ARHGEF26: variants seen among roughly 807,000 people sequenced by gnomAD.
ARHGEF26 encodes the protein Rho guanine nucleotide exchange factor (GEF) 26.
In ARHGEF26, 59 loss-of-function variants were observed where a neutral mutation model predicts 89.4. The observed-to-expected ratio is 0.66, with a 90% confidence interval of 0.54 to 0.82. ARHGEF26 has a LOEUF of 0.82. ARHGEF26 is among the 40% of genes least tolerant of loss of function. The pLI is 0.00. For missense variants in ARHGEF26, 1,234 were observed against 1,085.6 expected, an observed-to-expected ratio of 1.14 and a Z score of -1.92; for synonymous variants, 500 against 428.4, an observed-to-expected ratio of 1.17 and a Z score of -2.06.
rs576336313 is a variant in ARHGEF26, at chr3:154,190,628, C to T, written c.1641-661C>T. 1.4e-4 allele frequency among the ~76,000 whole-genome samples: 22 copies of T among 152,332 alleles called. No individual in the cohort carries two copies. In the South Asian group the frequency reaches 3.9e-3, roughly 27 times the overall value. ...TCCATTTTCTTACTGGAATCCCTAT[C>T]TGGCCTTCCTTAAAAGTTACGTAGG... On this transcript the variant is annotated intron_variant, in intron 7 of 14. Coordinates refer to ENST00000465093, the MANE Select transcript of ARHGEF26 (RefSeq NM_015595.4).
chr3:154,213,241 G>GTGTATA (rs1553747909), intron 9 of ARHGEF26, among the ~76,000 whole-genome samples: 48 of 145,654 alleles, frequency 3.3e-4, no homozygotes, highest in African/African-American at 1.1e-3. Context: ...GTGTGTGTGT[G>GTGTATA]TATATATATA....
At chr3:154,222,785 T>C (rs1475441996) in intron 10 of ARHGEF26, among the ~76,000 whole-genome samples, 2 of 152,134 alleles carry the variant, frequency 1.3e-5, no homozygotes, top group East Asian at 3.9e-4. Flanking sequence ...GGACCATTTT[T>C]TGTGAATAGT....
intron 12 of ARHGEF26, 43 bp from the exon 13 acceptor site, chr3:154,253,073 T>C (rs753383309): frequency 6.2e-7 from 1 of 1,610,510 alleles, no homozygotes; most frequent in Admixed American, 1.7e-5. Flanking sequence ...ATTCTGTGTT[T>C]TTACACCTTG....
At position 154,122,498 on chromosome 3, in the gene ARHGEF26, C is replaced by T. The variant is rs1188285552; in HGVS notation, c.506C>T (p.Pro169Leu). The T allele has an allele frequency of 1.2e-6, 2 of 1,613,068 alleles. No individual in the cohort carries two copies. Among genetic ancestry groups the T allele is most frequent in the South Asian group, 2.2e-5 (2 of 91,058 alleles). Residue 169 changes from proline to leucine, a missense_variant, in exon 2 of 15, where the codon CCG becomes CTG. Transcript: ENST00000465093. ...EEDLTGLTAS[P>L]VPSPTANGLA... ...GACCTTACTGGGTTGACTGCCAGCC[C>T]GGTGCCTTCGCCCACTGCAAATGGC...
chr3:154,239,733 T>C (rs1189306734), intron 11 of ARHGEF26, among the ~76,000 whole-genome samples: 2 of 151,948 alleles, frequency 1.3e-5, no homozygotes, highest in African/African-American at 2.4e-5. Context: ...TGGGGCCAGA[T>C]TGGGCATGTT....
At chr3:154,203,421 T>C (rs1461766062) in intron 9 of ARHGEF26, among the ~76,000 whole-genome samples, 1 of 152,160 alleles carries the variant, frequency 6.6e-6, no homozygotes, top group Non-Finnish European at 1.5e-5. Flanking sequence ...TGAGATCTTA[T>C]CATCTGCAAA....
chr3:154,226,073 C>A, intron 11 of ARHGEF26, 63 bp downstream of exon 11: 1 of 1,371,418 alleles, frequency 7.3e-7, no homozygotes, highest in Non-Finnish European at 9.8e-7. Context: ...AATTCAGATG[C>A]CTGTTAGGGT....
chr3:154,230,091 A>G (rs1716741417), intron 11 of ARHGEF26, among the ~76,000 whole-genome samples: 1 of 152,242 alleles, frequency 6.6e-6, no homozygotes, highest in Non-Finnish European at 1.5e-5. Flanking sequence ...TTTGTAAGAT[A>G]TAGTCCCTTC....
chr3:154,244,454 C>A (rs1456253815), intron 12 of ARHGEF26, among the ~76,000 whole-genome samples: 2 of 152,032 alleles, frequency 1.3e-5, no homozygotes, highest in African/African-American at 2.4e-5. Flanking sequence ...GACGAAGGGA[C>A]CCATGGGTGT....
intron 11 of ARHGEF26, among the ~76,000 whole-genome samples, chr3:154,237,937 TAACA>T (rs1233897907): frequency 1.3e-5 from 2 of 152,220 alleles, no homozygotes; most frequent in Non-Finnish European, 2.9e-5. Context: ...GAGAAAATAG[TAACA>T]AAGAAGCCTC....
rs1718552607 is a variant in ARHGEF26 at position 154,129,587 on chromosome 3, G to A, written c.1137G>A (p.Leu379=). Residue 379 remains leucine (L), a synonymous_variant, in exon 4 of 15, where the codon CTG becomes CTA. Coordinates refer to ENST00000465093, the MANE Select transcript of ARHGEF26 (RefSeq NM_015595.4). The part of the protein sequence containing the change: ...GTFDGEENAV[L]YQNYKEKALD... Reference sequence around the variant, plus strand: ...GTTTTCTTGCAGAAAATGCTGTCCTGTATCAAAACTACAAGGAAAAGGCCC... The same window carrying A: ...GTTTTCTTGCAGAAAATGCTGTCCTATATCAAAACTACAAGGAAAAGGCCC... 2 of 1,611,638 alleles carry A rather than the reference G, an allele frequency of 1.2e-6. No individual in the cohort carries two copies. The highest frequency in any genetic ancestry group is 1.7e-6 in the Non-Finnish European group (2 of 1,178,798).
At chr3:154,140,649 A>G (rs1204405081) in intron 4 of ARHGEF26, among the ~76,000 whole-genome samples, 3 of 146,962 alleles carry the variant, frequency 2.0e-5, no homozygotes, top group Non-Finnish European at 4.4e-5. Flanking sequence ...CAGTGGCACG[A>G]TCTCAGTTCA....
chr3:154,230,490 C>G (rs566409948), intron 11 of ARHGEF26, among the ~76,000 whole-genome samples: 2 of 152,126 alleles, frequency 1.3e-5, no homozygotes, highest in African/African-American at 4.8e-5. Flanking sequence ...TAGAAACTTA[C>G]AACTTTTTTG....
At chr3:154,251,830 G>A (rs1718172064) in intron 12 of ARHGEF26, among the ~76,000 whole-genome samples, 1 of 152,204 alleles carries the variant, frequency 6.6e-6, no homozygotes, top group Admixed American at 6.5e-5. Context: ...AGTCACCTTT[G>A]GACAGAGGTT....
intron 4 of ARHGEF26, among the ~76,000 whole-genome samples, chr3:154,137,830 A>C (rs1719107910): frequency 7.8e-6 from 1 of 127,582 alleles, no homozygotes; most frequent in African/African-American, 3.0e-5. Context: ...AAAAAAAAAG[A>C]AGAAGAGAAG....
intron 11 of ARHGEF26, among the ~76,000 whole-genome samples, chr3:154,232,230 G>A (rs2108270177): frequency 6.6e-6 from 1 of 152,296 alleles, no homozygotes; most frequent in African/African-American, 2.4e-5. Context: ...GTGCTGGGCT[G>A]TGGCATCTGG....
At chr3:154,125,741 T>C (rs957593685) in intron 3 of ARHGEF26, among the ~76,000 whole-genome samples, 2 of 152,216 alleles carry the variant, frequency 1.3e-5, no homozygotes, top group Admixed American at 6.5e-5. Context: ...GCTGTTTCTG[T>C]GTATCCTCTC....
chr3:154,256,880 G>A lies in ARHGEF26; in HGVS notation c.*1407G>A, dbSNP rs1406745142. 59 of 1,535,064 alleles carry A rather than the reference G, an allele frequency of 3.8e-5. No homozygotes were observed. Among genetic ancestry groups the A allele is most frequent in the Non-Finnish European group, 4.6e-5 (53 of 1,146,670 alleles). On this transcript the variant is annotated 3_prime_UTR_variant, in exon 15 of 15. Coordinates refer to ENST00000465093, the MANE Select transcript of ARHGEF26 (RefSeq NM_015595.4). ...CTTTTTCCACTAGTGCACAGAGAGA[G>A]AAAGGTTATCTTAATAGTCGGTTTC...
chr3:154,122,056 T>G lies in ARHGEF26; in HGVS notation c.64T>G (p.Ser22Ala). The G allele has an allele frequency of 6.2e-7, 1 of 1,611,508 alleles. No individual in the cohort carries two copies. Among genetic ancestry groups the G allele is most frequent in the Non-Finnish European group, 8.5e-7 (1 of 1,178,232 alleles). Reference sequence around the variant, plus strand: ...CATAACCCCTTTGTGGCGGAGGCGGTCGATTCCTCAGCCCCACCAGGTTCT... The same window carrying G: ...CATAACCCCTTTGTGGCGGAGGCGGGCGATTCCTCAGCCCCACCAGGTTCT... ...NSITPLWRRR[S>A]IPQPHQVLGR... Residue 22 changes from serine to alanine, a missense_variant, in exon 2 of 15, where the codon TCG becomes GCG. Ser to Ala is a moderately conservative substitution (Grantham distance 99, BLOSUM62 1). Transcript: ENST00000465093.
Sources: allele counts gnomAD v4.1 joint callset (sites outside exome capture counted in the v4.1 genomes callset), GRCh38; gene constraint gnomAD v4.1.1; transcripts MANE v1.5; gene names NCBI Gene and HGNC (gene_info 2026-07-23, HGNC 2026-07-21).